Variants in YPEL2 observed in about 807,000 individuals in gnomAD.
The protein encoded by YPEL2 is yippee like 2.
YPEL2 carries 2 observed loss-of-function variants against 19.1 expected under a neutral mutation model. That is an observed-to-expected ratio of 0.10 (90% confidence interval 0.04 to 0.33). YPEL2 has a LOEUF of 0.33. YPEL2 is among the 10% of genes least tolerant of loss of function. The probability of loss-of-function intolerance (pLI) is 1.00; values close to 1 mark genes in which losing one functional copy is unlikely to be tolerated. For synonymous variants in YPEL2, 52 were observed against 50.0 expected (o/e 1.04, Z -0.17); for missense variants, 66 against 140.7 (o/e 0.47, Z 2.68).
At chr17:59,374,408 G>C (rs2047910595) in intron 2 of YPEL2, among the ~76,000 whole-genome samples, 1 of 152,114 alleles carries the variant, frequency 6.6e-6, no homozygotes, top group Non-Finnish European at 1.5e-5. Flanking sequence ...TCTCTTCCTT[G>C]ATACTGTTTC....
intron 2 of YPEL2, among the ~76,000 whole-genome samples, chr17:59,384,960 C>T (rs1002275597): frequency 3.9e-5 from 6 of 152,184 alleles, no homozygotes; most frequent in South Asian, 2.1e-4. Context: ...TTCTAAGCTC[C>T]GAACTTGAAG....
chr17:59,342,302 G>C (rs1228370781), intron 1 of YPEL2, among the ~76,000 whole-genome samples: 1 of 152,224 alleles, frequency 6.6e-6, no homozygotes, highest in Non-Finnish European at 1.5e-5. Context: ...GTATTCAGCA[G>C]ATATTTGAAT....
chr17:59,395,427 C>G (rs1242927549), intron 4 of YPEL2, among the ~76,000 whole-genome samples: 1 of 152,172 alleles, frequency 6.6e-6, no homozygotes, highest in Non-Finnish European at 1.5e-5. Context: ...ACTGCTTGTG[C>G]ATATGGAGCT....
intron 2 of YPEL2, among the ~76,000 whole-genome samples, chr17:59,385,147 C>G (rs1222121317): frequency 3.3e-5 from 5 of 152,138 alleles, no homozygotes; most frequent in African/African-American, 1.2e-4. Flanking sequence ...GAATAGAGTA[C>G]TACTCAGCAA....
intron 2 of YPEL2, among the ~76,000 whole-genome samples, chr17:59,364,401 G>A (rs2047857490): frequency 6.6e-6 from 1 of 152,100 alleles, no homozygotes. Flanking sequence ...TCATCTCTCT[G>A]GCTCTCCCTT....
rs182849143 is a variant in YPEL2 at position 59,377,998 on chromosome 17, T to A, written c.118-10329T>A. On this transcript the variant is annotated intron_variant, in intron 2 of 4. Coordinates refer to ENST00000312655, the MANE Select transcript of YPEL2 (RefSeq NM_001005404.4). ...ATAGGGCGTTATTGAATCGGCAATA[T>A]GTTCCTCCTTTCTGTAGAGAACCCT... Among the ~76,000 whole-genome samples, 432 of 152,320 alleles carry A rather than the reference T, an allele frequency of 2.8e-3. 2 individuals are homozygous for A. The highest frequency in any genetic ancestry group is 6.8e-3 in the Middle Eastern group (2 of 294).
intron 2 of YPEL2, among the ~76,000 whole-genome samples, chr17:59,379,856 T>TTTTGTTTTGTTTTG (rs1555571548): frequency 4.0e-5 from 6 of 149,338 alleles, no homozygotes; most frequent in East Asian, 4.0e-4. Context: ...AAGTTTGGGG[T>TTTTGTTTTGTTTTG]TTTTGTTTTG....
At chr17:59,345,634 A>G (rs1164539281) in intron 1 of YPEL2, among the ~76,000 whole-genome samples, 1 of 152,142 alleles carries the variant, frequency 6.6e-6, no homozygotes, top group Non-Finnish European at 1.5e-5. Context: ...TTAAACCACA[A>G]TGTACCTTTA....
rs75103057 is a variant in YPEL2 at position 59,390,446 on chromosome 17, A to G, written c.270+978A>G. ...CGTGAGCCACACTGTTGCCTGGTCC[A>G]GAACCCATGTTCTGAAGCCACTGTA... On this transcript the variant is annotated intron_variant, in intron 4 of 4. Transcript: ENST00000312655. Among the ~76,000 whole-genome samples, 25 of 152,344 alleles carry G rather than the reference A, an allele frequency of 1.6e-4. No individual in the cohort carries two copies. The East Asian group carries it at 3.9e-3, about 24-fold the overall frequency.
At chr17:59,380,948 A>G (rs1354442169) in intron 2 of YPEL2, among the ~76,000 whole-genome samples, 1 of 152,258 alleles carries the variant, frequency 6.6e-6, no homozygotes, top group Non-Finnish European at 1.5e-5. Context: ...AAAGTCACCA[A>G]AGAAAGAGGT....
Position 59,397,604 on chromosome 17 carries a change from A to G in YPEL2, c.*414A>G, listed in dbSNP as rs558394725. 2.2e-4 allele frequency: 35 copies of G among 159,740 alleles called. No individual in the cohort carries two copies. Among genetic ancestry groups the G allele is most frequent in the Non-Finnish European group, 4.0e-4 (29 of 73,178 alleles). 9.9% of individuals were successfully genotyped at this position (159,740 alleles called of 1,614,324 possible). ...AACTCTAAGGGTCCTGGCGCGGGGA[A>G]GGGGTGGAAGGGTGGAGGTAGGAAC... On this transcript the variant is annotated 3_prime_UTR_variant, in exon 5 of 5. Coordinates refer to ENST00000312655, the MANE Select transcript of YPEL2 (RefSeq NM_001005404.4).
intron 1 of YPEL2, among the ~76,000 whole-genome samples, chr17:59,351,722 CA>C (rs1567736800): frequency 1.3e-5 from 2 of 152,186 alleles, no homozygotes; most frequent in African/African-American, 4.8e-5. Context: ...GGAGACTGAG[CA>C]GGGGCGACAT....
intron 1 of YPEL2, 57 bp downstream of exon 1, chr17:59,331,881 C>T (rs1394005129): frequency 6.6e-6 from 1 of 151,450 alleles, no homozygotes; most frequent in Non-Finnish European, 1.5e-5. Flanking sequence ...GGCGCGCTGT[C>T]AGCTCGGGCT....
rs759712969 is a variant in YPEL2 at position 59,353,609 on chromosome 17, C to A, written c.117+83C>A. 6 of 1,045,230 alleles carry A rather than the reference C, an allele frequency of 5.7e-6. No individual in the cohort carries two copies. The African/African-American group carries it at 7.8e-5, about 14-fold the overall frequency. The allele number at this position is 1,045,230 out of a possible 1,614,324, so 64.7% of individuals were successfully genotyped here. A position where few individuals can be genotyped will look rare whatever the true frequency, so the allele number is the denominator to read the frequency against. ...GAAGTTGCAGAGGTTTACAAGCTCT[C>A]AAGAATATTTGTACTCCATCTTTGT... On this transcript the variant is annotated intron_variant, in intron 2 of 4. Transcript: ENST00000312655. The surrounding 1 kb of genome is among the most constrained non-coding windows in gnomAD (Gnocchi z 4.8).
At position 59,398,184 on chromosome 17, in the gene YPEL2, T is replaced by C. The variant is rs972082773; in HGVS notation, c.*994T>C. The C allele has an allele frequency of 6.6e-6, 1 of 151,926 alleles. No individual in the cohort carries two copies. Among genetic ancestry groups the C allele is most frequent in the African/African-American group, 2.4e-5 (1 of 41,340 alleles). 9.4% of individuals were successfully genotyped at this position (151,926 alleles called of 1,614,324 possible). A position where few individuals can be genotyped will look rare whatever the true frequency, so the allele number is the denominator to read the frequency against. ...CTTCTGACCCCTCATAAGAGGAGTG[T>C]GGTGAGGGAGGGGACTGGGTAGGGG... On this transcript the variant is annotated 3_prime_UTR_variant, in exon 5 of 5. Transcript: ENST00000312655.
chr17:59,334,181 C>G (rs1259009303), intron 1 of YPEL2, among the ~76,000 whole-genome samples: 1 of 152,000 alleles, frequency 6.6e-6, no homozygotes, highest in South Asian at 2.1e-4. Context: ...TGAGTAGTGC[C>G]GATGAGTTGC....
chr17:59,358,674 A>G lies in YPEL2; in HGVS notation c.117+5148A>G, dbSNP rs868567801. Among the ~76,000 whole-genome samples the G allele has an allele frequency of 3.9e-5, 6 of 152,120 alleles. No individual in the cohort carries two copies. In the South Asian group the frequency reaches 1.2e-3, roughly 32 times the overall value. On this transcript the variant is annotated intron_variant, in intron 2 of 4. Transcript: ENST00000312655. ...GTCCAGGCTGGAGTACAGTGGCACA[A>G]TCTTGACTTACCGCAACCTCTGCCT...
intron 4 of YPEL2, among the ~76,000 whole-genome samples, chr17:59,393,997 T>A (rs2048022908): frequency 6.6e-6 from 1 of 152,274 alleles, no homozygotes; most frequent in Non-Finnish European, 1.5e-5. Context: ...ACCGCCATTG[T>A]CATCATGGCC....
intron 1 of YPEL2, among the ~76,000 whole-genome samples, chr17:59,336,348 C>CT (rs2047698706): frequency 6.6e-6 from 1 of 152,198 alleles, no homozygotes; most frequent in African/African-American, 2.4e-5. Context: ...ATAAACAACT[C>CT]TTACCTACCC....
Sources: gnomAD v4.1 joint callset for allele counts (sites outside exome capture counted in the v4.1 genomes callset) on GRCh38, gnomAD v4.1.1 for gene constraint, Gnocchi (gnomAD v3.1) non-coding constraint, MANE v1.5 for transcripts, NCBI Gene and HGNC (gene_info 2026-07-23, HGNC 2026-07-21) for gene names.